Variants in INTS1 observed in about 807,000 individuals in gnomAD.
INTS1 encodes integrator complex subunit 1.
Under a neutral mutation model 241.6 loss-of-function variants are expected in INTS1, and 137 were observed. That is an observed-to-expected ratio of 0.57 (90% CI 0.49 to 0.65). INTS1 has a LOEUF of 0.65. Among genes scored for constraint, INTS1 ranks in the 30% least tolerant of loss-of-function variants. The pLI, the probability that INTS1 is intolerant of heterozygous loss-of-function variation, is 0.00. For missense variants in INTS1, 3,073 were observed against 3,032.2 expected (o/e 1.01, Z -0.32); for synonymous variants, 1,692 against 1,337.8 (o/e 1.26, Z -5.78).
At position 1,497,805 on chromosome 7, in the gene INTS1, C is replaced by T. The variant is rs1050741557; in HGVS notation, c.1426-491G>A. ...ATAGAGCCCACCGGGAGGCCTAATG[C>T]GCTGGTGGCGATGGGAGCATCTCCC... On this transcript the variant is annotated intron_variant, in intron 10 of 47. Transcript: ENST00000404767. The surrounding 1 kb of genome is among the most constrained non-coding windows in gnomAD (Gnocchi z 5.3). Among the ~76,000 whole-genome samples, 2 of 152,250 alleles carry T rather than the reference C, an allele frequency of 1.3e-5. No homozygotes were observed. Among genetic ancestry groups the T allele is most frequent in the Non-Finnish European group, 2.9e-5 (2 of 68,046 alleles).
chr7:1,475,373 C>G (rs1187114352), intron 39 of INTS1, among the ~76,000 whole-genome samples: 1 of 151,952 alleles, frequency 6.6e-6, no homozygotes, highest in Non-Finnish European at 1.5e-5. Flanking sequence ...CAACAGACAC[C>G]CTGCCTCAAA....
At chr7:1,490,849 G>A (rs1195910565) in intron 16 of INTS1, among the ~76,000 whole-genome samples, 1 of 152,196 alleles carries the variant, frequency 6.6e-6, no homozygotes, top group African/African-American at 2.4e-5. Flanking sequence ...ACACATAGAC[G>A]GACAGAACAG....
At chr7:1,479,349 G>A in intron 31 of INTS1, 81 bp downstream of exon 31, 1 of 1,459,834 alleles carries the variant, frequency 6.9e-7, no homozygotes, top group Non-Finnish European at 9.2e-7. Context: ...CAGAGGAGCA[G>A]TCACAGGACA....
intron 5 of INTS1, 52 bp downstream of exon 5, chr7:1,499,832 C>T (rs1783068584): frequency 6.3e-7 from 1 of 1,578,982 alleles, no homozygotes; most frequent in Non-Finnish European, 8.6e-7. Context: ...CTCGCCCCTG[C>T]CCCACCCCGT....
intron 16 of INTS1, among the ~76,000 whole-genome samples, chr7:1,490,334 C>A (rs1401129344): frequency 6.6e-6 from 1 of 152,170 alleles, no homozygotes; most frequent in Non-Finnish European, 1.5e-5. Context: ...AGGGTGTCAG[C>A]TCTGCATAAA....
intron 28 of INTS1, 51 bp from the exon 29 acceptor site, chr7:1,480,984 A>T: frequency 2.2e-6 from 3 of 1,368,186 alleles, no homozygotes; most frequent in Non-Finnish European, 3.1e-6. Flanking sequence ...GCCAGGGAGC[A>T]GGTCCTTCCC....
At position 1,497,386 on chromosome 7, in the gene INTS1, A is replaced by T. The variant is rs961144187; in HGVS notation, c.1426-72T>A. 3.3e-6 allele frequency: 5 copies of T among 1,501,672 alleles called. No homozygotes were observed. The Admixed American group carries it at 1.0e-4, about 31-fold the overall frequency. 93.0% of individuals were successfully genotyped at this position (1,501,672 alleles called of 1,614,324 possible). A position where few individuals can be genotyped will look rare whatever the true frequency, so the allele number is the denominator to read the frequency against. ...CCTGTCACAGGCCCCTTCCCGCAGC[A>T]CCAACAGGTATGGCGCCCGAGGGCG... On this transcript the variant is annotated intron_variant, in intron 10 of 47. Transcript: ENST00000404767. This position sits in a 1 kb window ranked among gnomAD's most constrained non-coding sequence, Gnocchi z 5.3.
chr7:1,499,050 G>A lies in INTS1; in HGVS notation c.1062C>T (p.Leu354=). Residue 354 remains leucine, a synonymous_variant, in exon 8 of 48, where the codon CTC becomes CTT. Transcript: ENST00000404767. ...CCTCCTTATAGCCGCAGGTGGAGGT[G>A]AGGAGCCGCAGGAGGTTCCTGGAGA... ...DNVSRNLLRL[L]TSTCGYKEVR... 1.9e-6 allele frequency: 3 copies of A among 1,593,786 alleles called. No homozygotes were observed. Among genetic ancestry groups the A allele is most frequent in the Non-Finnish European group, 2.6e-6 (3 of 1,171,594 alleles).
chr7:1,489,452 G>C, intron 17 of INTS1, 48 bp from the exon 18 acceptor site: 1 of 1,388,156 alleles, frequency 7.2e-7, no homozygotes, highest in Non-Finnish European at 9.5e-7. Flanking sequence ...CTGGGCACCA[G>C]GCGTGTGACC....
chr7:1,487,202 G>A, intron 20 of INTS1, 101 bp from the exon 21 acceptor site: 3 of 1,502,008 alleles, frequency 2.0e-6, no homozygotes, highest in South Asian at 2.5e-5. Flanking sequence ...ACACGCAGCA[G>A]CCAGCTCATG....
chr7:1,496,143 C>G lies in INTS1; in HGVS notation c.1711+13G>C. 6.2e-7 allele frequency: 1 copy of G among 1,609,216 alleles called. No homozygotes were observed. Among genetic ancestry groups the G allele is most frequent in the Non-Finnish European group, 8.5e-7 (1 of 1,175,660 alleles). Reference sequence around the variant, plus strand: ...CCCCACCAAGCAGGGCCAGGCCACCCCCACATCCTTACTCCTCTTTTCTCC... The same window carrying G: ...CCCCACCAAGCAGGGCCAGGCCACCGCCACATCCTTACTCCTCTTTTCTCC... On this transcript the variant is annotated intron_variant, in intron 12 of 47. Coordinates refer to ENST00000404767, the MANE Select transcript of INTS1 (RefSeq NM_001080453.3).
Position 1,499,176 on chromosome 7 carries a change from G to T in INTS1, c.951-15C>A, listed in dbSNP as rs1783020302. On this transcript the variant is annotated splice_polypyrimidine_tract_variant and intron_variant, in intron 7 of 47. Transcript: ENST00000404767. ...GCTCTTCGTACCTAGGCCAGAGGAGGGAGCGAGGAGGGAGGAAGGTGGCCC... is the reference window on the plus strand; with the variant it reads ...GCTCTTCGTACCTAGGCCAGAGGAGTGAGCGAGGAGGGAGGAAGGTGGCCC... The T allele has an allele frequency of 6.2e-7, 1 of 1,606,356 alleles. No homozygotes were observed.
At chr7:1,499,224 C>A in intron 7 of INTS1, 31 bp downstream of exon 7, 1 of 1,607,352 alleles carries the variant, frequency 6.2e-7, no homozygotes, top group Non-Finnish European at 8.5e-7. Flanking sequence ...CCCCGCCGCC[C>A]CCAACTGGGA....
chr7:1,499,394 T>TACC, intron 6 of INTS1, 34 bp from the exon 7 acceptor site: 2 of 1,400,212 alleles, frequency 1.4e-6, no homozygotes. Context: ...ATGCAGCGCC[T>TACC]CCCACCCGCC....
intron 18 of INTS1, among the ~76,000 whole-genome samples, chr7:1,488,971 G>T (rs1274128941): frequency 6.6e-6 from 1 of 152,174 alleles, no homozygotes; most frequent in Non-Finnish European, 1.5e-5. Context: ...ACTGGGCCTG[G>T]CTCCATCCTG....
chr7:1,470,696 TG>T lies in INTS1; in HGVS notation c.6458-5del. ...TGGAGCAGCACAGCCGCGTGCTCTG[TG>T]GGGGAAACGGGGCCCTGCACGTCAC... On this transcript the variant is annotated splice_region_variant and splice_polypyrimidine_tract_variant and intron_variant, in intron 47 of 47. Transcript: ENST00000404767. 1 of 1,538,226 alleles carries T rather than the reference TG, an allele frequency of 6.5e-7. No individual in the cohort carries two copies.
Position 1,473,558 on chromosome 7 carries a change from G to A in INTS1, c.5957+8C>T, listed in dbSNP as rs1049099517. On this transcript the variant is annotated splice_region_variant and intron_variant, in intron 42 of 47. Transcript: ENST00000404767. Reference sequence around the variant, plus strand: ...CCCGAGGCTTCCCTGCAGCCCGTGGGCACTCACTGGAGCGGGTCGGCGTGC... The same window carrying A: ...CCCGAGGCTTCCCTGCAGCCCGTGGACACTCACTGGAGCGGGTCGGCGTGC... 5.7e-6 allele frequency: 9 copies of A among 1,582,548 alleles called. No homozygotes were observed. In the South Asian group the frequency reaches 9.2e-5, roughly 16 times the overall value.
chr7:1,474,793 T>C lies in INTS1; in HGVS notation c.5548A>G (p.Ser1850Gly). 1 of 1,587,174 alleles carries C rather than the reference T, an allele frequency of 6.3e-7. No individual in the cohort carries two copies. The highest frequency in any genetic ancestry group is 1.2e-5 in the South Asian group (1 of 86,696). Residue 1850 changes from serine (S) to glycine (G), a missense_variant, in exon 40 of 48, where the codon AGC becomes GGC. Transcript: ENST00000404767. ...HRFITLLADT[S>G]DSRALENRGA... Reference sequence around the variant, plus strand: ...CGGTTCTCCAACGCCCGGGAGTCGCTGGTGTCCGCAAGGAGCGTGATGAAG... The same window carrying C: ...CGGTTCTCCAACGCCCGGGAGTCGCCGGTGTCCGCAAGGAGCGTGATGAAG...
chr7:1,479,458 G>A lies in INTS1; in HGVS notation c.4301C>T (p.Pro1434Leu), dbSNP rs965939725. ...GTACTGGCAGAGCTGGCGCAGCAGC[G>A]GGCAGGCCAGGAAGTGGCTACGGTG... is the stretch of plus-strand genomic sequence containing the variant. ...SMHRSHFLAC[P>L]LLRQLCQYQR... Residue 1434 changes from proline (P) to leucine (L), a missense_variant, in exon 31 of 48, where the codon CCG becomes CTG. Physicochemically the swap from Pro to Leu is moderately conservative, Grantham distance 98 (BLOSUM62 -3). Coordinates refer to ENST00000404767, the MANE Select transcript of INTS1 (RefSeq NM_001080453.3). 8.9e-6 allele frequency: 14 copies of A among 1,578,642 alleles called. No homozygotes were observed. The highest frequency in any genetic ancestry group is 5.4e-5 in the Admixed American group (3 of 55,692).
Sources: gnomAD v4.1 joint callset for allele counts (sites outside exome capture counted in the v4.1 genomes callset) on GRCh38, gnomAD v4.1.1 for gene constraint, Gnocchi (gnomAD v3.1) non-coding constraint, MANE v1.5 for transcripts, NCBI Gene and HGNC (gene_info 2026-07-23, HGNC 2026-07-21) for gene names.